EIF2AK4: variants seen among roughly 807,000 people sequenced by gnomAD.
The protein encoded by EIF2AK4 is eIF-2-alpha kinase GCN2.
A neutral mutation model predicts 211.1 loss-of-function variants in EIF2AK4; 139 were observed. The observed-to-expected ratio is 0.66, with a 90% confidence interval of 0.57 to 0.76. The LOEUF (loss-of-function observed/expected upper bound fraction) is 0.76, where lower values mean the gene tolerates loss of function less well. Ranked by LOEUF, EIF2AK4 falls within the 30% of genes least tolerant of loss-of-function variation. The pLI is 0.00. For missense variants in EIF2AK4, 1,664 were observed against 2,043.8 expected (o/e 0.81, Z 3.58); for synonymous variants, 710 against 751.3 (o/e 0.94, Z 0.90).
rs545816313 is a variant in EIF2AK4, at chr15:39,947,484, G to A, written c.361-1632G>A. On this transcript the variant is annotated intron_variant, in intron 3 of 38. Transcript: ENST00000263791. ...TACTCTATTTTTTCAAATTTGTAAAGCCAAAGTTTATTTTTTTATTAATTT... is the reference window on the plus strand; with the variant it reads ...TACTCTATTTTTTCAAATTTGTAAAACCAAAGTTTATTTTTTTATTAATTT... Among the ~76,000 whole-genome samples the A allele has an allele frequency of 3.9e-5, 6 of 152,234 alleles. No individual in the cohort carries two copies. The East Asian group carries it at 1.2e-3, about 29-fold the overall frequency.
chr15:39,935,622 C>T (rs2034054218), intron 1 of EIF2AK4, among the ~76,000 whole-genome samples: 1 of 152,116 alleles, frequency 6.6e-6, no homozygotes, highest in African/African-American at 2.4e-5. Context: ...TGGGCCACCG[C>T]GCCTGGCCTC....
At chr15:39,964,802 A>G (rs1024332974) in intron 7 of EIF2AK4, among the ~76,000 whole-genome samples, 5 of 152,248 alleles carry the variant, frequency 3.3e-5, no homozygotes, top group African/African-American at 1.2e-4. Context: ...ATCACTAAAT[A>G]AATGTGTCTC....
chr15:39,977,917 T>C (rs772835867), intron 12 of EIF2AK4, 161 bp from the exon 13 acceptor site: 29 of 406,610 alleles, frequency 7.1e-5, no homozygotes, highest in Middle Eastern at 4.7e-4. Flanking sequence ...TTTTGCATAA[T>C]AGCAAGTACA....
chr15:39,939,125 A>G (rs2034108465), intron 1 of EIF2AK4, among the ~76,000 whole-genome samples: 1 of 152,090 alleles, frequency 6.6e-6, no homozygotes, highest in Admixed American at 6.6e-5. Context: ...TTTTCTTTAC[A>G]GCACTCATCA....
chr15:40,025,708 G>A (rs2035457686), intron 32 of EIF2AK4, among the ~76,000 whole-genome samples: 1 of 152,190 alleles, frequency 6.6e-6, no homozygotes, highest in Non-Finnish European at 1.5e-5. Context: ...CTCAACAGCA[G>A]CGCTGTTCAC....
At chr15:39,997,178 C>G in intron 19 of EIF2AK4, 113 bp downstream of exon 19, 1 of 757,784 alleles carries the variant, frequency 1.3e-6, no homozygotes, top group South Asian at 1.9e-5. Context: ...AGAGGCTGCC[C>G]TACTGTAATT....
chr15:39,937,183 T>A (rs2043890089), intron 1 of EIF2AK4, among the ~76,000 whole-genome samples: 1 of 152,226 alleles, frequency 6.6e-6, no homozygotes, highest in South Asian at 2.1e-4. Context: ...TTTGATAGCT[T>A]TTGGAAACAT....
In EIF2AK4 at chr15:39,992,162, C is replaced by G; in HGVS notation, c.2632-13C>G. The stretch of plus-strand genomic sequence containing the variant: ...ATGTTTTAATTGGATATTTGGCTTA[C>G]TTATATTTTTAGGCTGACAGCAAAC... On this transcript the variant is annotated splice_polypyrimidine_tract_variant and intron_variant, in intron 16 of 38. Transcript: ENST00000263791. 1 of 1,609,012 alleles carries G rather than the reference C, an allele frequency of 6.2e-7. No homozygotes were observed. Among genetic ancestry groups the G allele is most frequent in the Non-Finnish European group, 8.5e-7 (1 of 1,177,622 alleles).
chr15:39,960,658 A>G (rs994733125), intron 6 of EIF2AK4, among the ~76,000 whole-genome samples: 2 of 151,960 alleles, frequency 1.3e-5, no homozygotes, highest in Non-Finnish European at 2.9e-5. Context: ...GAATGTATGG[A>G]TCAGAGAGAT....
At chr15:39,970,513 C>T (rs922440597) in intron 9 of EIF2AK4, among the ~76,000 whole-genome samples, 10 of 151,874 alleles carry the variant, frequency 6.6e-5, no homozygotes, top group African/African-American at 1.7e-4. Context: ...GGTAGGTCCA[C>T]GCCTATACAG....
intron 23 of EIF2AK4, among the ~76,000 whole-genome samples, chr15:40,005,139 T>C (rs774642790): frequency 3.9e-5 from 6 of 152,234 alleles, no homozygotes; most frequent in South Asian, 2.1e-4. Context: ...GCATAGGCTA[T>C]AGGCAAATGC....
rs541577660 is a variant in EIF2AK4 at position 40,012,097 on chromosome 15, C to T, written c.3759+751C>T. Among the ~76,000 whole-genome samples, 5 of 152,220 alleles carry T rather than the reference C, an allele frequency of 3.3e-5. No homozygotes were observed. The South Asian group carries it at 1.0e-3, about 32-fold the overall frequency. Reference sequence around the variant, plus strand: ...ATCTTGCATTGATCAGCAAAATTCACATATGGGATAGATTAAAATATGATT... The same window carrying T: ...ATCTTGCATTGATCAGCAAAATTCATATATGGGATAGATTAAAATATGATT... On this transcript the variant is annotated intron_variant, in intron 27 of 38. Coordinates refer to ENST00000263791, the MANE Select transcript of EIF2AK4 (RefSeq NM_001013703.4).
rs145780694 is a variant in EIF2AK4 at position 39,973,015 on chromosome 15, G to A, written c.1660+1G>A. 3 of 1,612,472 alleles carry A rather than the reference G, an allele frequency of 1.9e-6. No homozygotes were observed. The highest frequency in any genetic ancestry group is 1.3e-5 in the African/African-American group (1 of 75,000). ...CCTCTAGTGGAACAAAGTCCTGAAG[G>A]TGAGTCTGTTACCTTTCTTTATTTG... On this transcript the variant is annotated splice_donor_variant, in intron 10 of 38. Coordinates refer to ENST00000263791, the MANE Select transcript of EIF2AK4 (RefSeq NM_001013703.4). LOFTEE classifies it high-confidence loss of function.
chr15:40,022,416 C>A, intron 31 of EIF2AK4, 103 bp from the exon 32 acceptor site: 1 of 966,260 alleles, frequency 1.0e-6, no homozygotes, highest in Non-Finnish European at 1.6e-6. Flanking sequence ...TAGTAATTCA[C>A]ATTGAGAATA....
chr15:39,973,985 C>G (rs747248177), intron 11 of EIF2AK4: 47 of 383,176 alleles, frequency 1.2e-4, no homozygotes, highest in Non-Finnish European at 1.9e-4. Context: ...TAACATGAAA[C>G]ACACATGGTT....
intron 3 of EIF2AK4, 98 bp from the exon 4 acceptor site, chr15:39,949,018 C>T: frequency 7.1e-7 from 1 of 1,399,622 alleles, no homozygotes; most frequent in Non-Finnish European, 9.9e-7. Context: ...TCTAAGTGGG[C>T]CTCTGACCGC....
chr15:39,988,026 A>G lies in EIF2AK4; in HGVS notation c.2447A>G (p.Gln816Arg), dbSNP rs370476691. The change falls in exon 15 of 39, where the codon CAG becomes CGG. Residue 816 changes from glutamine (Q) to arginine (R), a missense_variant. Coordinates refer to ENST00000263791, the MANE Select transcript of EIF2AK4 (RefSeq NM_001013703.4). ...AGCACTTTACGAGACACCATTGACC[A>G]GGGACTGTATCGAGACACCGTCAGA... is the stretch of plus-strand genomic sequence containing the variant. ...EKSTLRDTIDQGLYRDTVRLW... is the reference protein window; with the variant it reads ...EKSTLRDTIDRGLYRDTVRLW... The G allele has an allele frequency of 9.9e-5, 160 of 1,614,094 alleles. No homozygotes were observed. The highest frequency in any genetic ancestry group is 1.3e-4 in the Non-Finnish European group (157 of 1,180,024).
At chr15:39,986,592 G>A (rs373081609) in intron 14 of EIF2AK4, among the ~76,000 whole-genome samples, 54 of 152,360 alleles carry the variant, frequency 3.5e-4, no homozygotes, top group African/African-American at 1.3e-3. Context: ...GGTGGCTTAC[G>A]CCTGCAATCC....
At chr15:39,999,872 G>T (rs1460880927) in intron 20 of EIF2AK4, among the ~76,000 whole-genome samples, 1 of 152,168 alleles carries the variant, frequency 6.6e-6, no homozygotes, top group Non-Finnish European at 1.5e-5. Context: ...TGACAGCTAA[G>T]ATGGCCCAGG....
Sources: allele counts gnomAD v4.1 joint callset (sites outside exome capture counted in the v4.1 genomes callset), GRCh38; gene constraint gnomAD v4.1.1; transcripts MANE v1.5; gene names NCBI Gene and HGNC (gene_info 2026-07-23, HGNC 2026-07-21).